Variants in GALK2 observed in about 807,000 individuals in gnomAD.
GALK2 encodes N-acetylgalactosamine kinase.
Under a neutral mutation model 52.4 loss-of-function variants are expected in GALK2, and 36 were observed. That is an observed-to-expected ratio of 0.69 (90% CI 0.53 to 0.91). The LOEUF is 0.91. Among genes scored for constraint, GALK2 ranks in the 40% least tolerant of loss-of-function variants. The pLI, the probability that GALK2 is intolerant of heterozygous loss-of-function variation, is 0.00. For synonymous variants in GALK2, 176 were observed against 199.1 expected, an observed-to-expected ratio of 0.88 and a Z score of 0.98; for missense variants, 579 against 559.1, an observed-to-expected ratio of 1.04 and a Z score of -0.36.
intron 3 of GALK2, among the ~76,000 whole-genome samples, chr15:49,361,477 T>C (rs1038824394): frequency 6.6e-6 from 1 of 152,162 alleles, no homozygotes; most frequent in African/African-American, 2.4e-5. Flanking sequence ...TAGCTCCTAC[T>C]TATTAGTGAG....
At chr15:49,207,029 T>C (rs564618893) in intron 2 of GALK2, among the ~76,000 whole-genome samples, 1 of 152,308 alleles carries the variant, frequency 6.6e-6, no homozygotes, top group Non-Finnish European at 1.5e-5. Context: ...TCAATTTTGC[T>C]GAGAGTCTTA....
At chr15:49,304,099 A>G (rs1194632123) in intron 8 of GALK2, among the ~76,000 whole-genome samples, 1 of 152,180 alleles carries the variant, frequency 6.6e-6, no homozygotes, top group East Asian at 1.9e-4. Context: ...GGAAACATCT[A>G]TAGGAAAGCA....
intron 2 of GALK2, among the ~76,000 whole-genome samples, chr15:49,213,545 C>T (rs1331130273): frequency 3.3e-5 from 5 of 152,018 alleles, no homozygotes; most frequent in Non-Finnish European, 7.4e-5. Flanking sequence ...GGTGTGTGTT[C>T]CGGAATATCT....
At chr15:49,271,221 A>G (rs1461870977) in intron 5 of GALK2, among the ~76,000 whole-genome samples, 1 of 152,190 alleles carries the variant, frequency 6.6e-6, no homozygotes, top group Non-Finnish European at 1.5e-5. Context: ...GACTTGGGTC[A>G]TATTATTGTC....
chr15:49,166,860 C>T (rs561563203), upstream of GALK2, among the ~76,000 whole-genome samples: 1 of 152,292 alleles, frequency 6.6e-6, no homozygotes, highest in South Asian at 2.1e-4. Context: ...TATTGTAAGT[C>T]AAAATAGGAA....
chr15:49,256,763 A>T (rs1424246713), intron 5 of GALK2, among the ~76,000 whole-genome samples: 1 of 152,108 alleles, frequency 6.6e-6, no homozygotes, highest in Non-Finnish European at 1.5e-5. Context: ...CTTAGTTTGT[A>T]TTGTAAAGAT....
chr15:49,217,436 T>A, intron 3 of GALK2, 123 bp downstream of exon 3: 1 of 985,358 alleles, frequency 1.0e-6, no homozygotes, highest in Non-Finnish European at 1.5e-6. Context: ...TGTCTGACAT[T>A]AAAAAAATTC....
rs554213612 is a variant in GALK2 at position 49,265,008 on chromosome 15, T to C, written c.505-16979T>C. On this transcript the variant is annotated intron_variant, in intron 5 of 9. Coordinates refer to ENST00000560031, the MANE Select transcript of GALK2 (RefSeq NM_002044.4). Reference sequence around the variant, plus strand: ...ACTGGGGGGTGCCTCCCAGTTAGGCTGCTTGGGGGTCAGGGGTCAGGGACC... The same window carrying C: ...ACTGGGGGGTGCCTCCCAGTTAGGCCGCTTGGGGGTCAGGGGTCAGGGACC... 2.9e-3 allele frequency among the ~76,000 whole-genome samples: 444 copies of C among 152,304 alleles called. 1 individual carries two copies. Among genetic ancestry groups the C allele is most frequent in the African/African-American group, 0.01 (429 of 41,578 alleles).
chr15:49,366,874 T>C (rs1411046111), intron 3 of GALK2, among the ~76,000 whole-genome samples: 1 of 152,208 alleles, frequency 6.6e-6, no homozygotes, highest in Non-Finnish European at 1.5e-5. Context: ...TTGGGATTCA[T>C]CTGAGTCCTT....
intron 2 of GALK2, among the ~76,000 whole-genome samples, chr15:49,211,305 G>T (rs968038983): frequency 1.3e-5 from 2 of 152,104 alleles, no homozygotes; most frequent in African/African-American, 4.8e-5. Flanking sequence ...AAAAAGTTTT[G>T]TATTTTCATC....
chr15:49,173,511 C>T (rs1233819218), intron 1 of GALK2, among the ~76,000 whole-genome samples: 1 of 152,072 alleles, frequency 6.6e-6, no homozygotes, highest in Non-Finnish European at 1.5e-5. Flanking sequence ...TCCTGATTGT[C>T]TCTGATTTCT....
chr15:49,361,168 T>C (rs1045350719), intron 3 of GALK2, among the ~76,000 whole-genome samples: 1 of 152,176 alleles, frequency 6.6e-6, no homozygotes, highest in Non-Finnish European at 1.5e-5. Flanking sequence ...TTTTACCCCA[T>C]AAATATATAC....
chr15:49,267,759 TG>T (rs566155307), intron 5 of GALK2, among the ~76,000 whole-genome samples: 9 of 152,186 alleles, frequency 5.9e-5, no homozygotes, highest in Non-Finnish European at 1.2e-4. Flanking sequence ...ATCAGAAAAA[TG>T]GAAAGAAGTA....
chr15:49,290,444 T>A (rs1298860163), intron 7 of GALK2, among the ~76,000 whole-genome samples: 1 of 152,212 alleles, frequency 6.6e-6, no homozygotes, highest in Non-Finnish European at 1.5e-5. Flanking sequence ...GAATGTGAAC[T>A]CTATGTTAGT....
At chr15:49,275,472 G>T (rs2031499679) in intron 5 of GALK2, among the ~76,000 whole-genome samples, 2 of 152,208 alleles carry the variant, frequency 1.3e-5, no homozygotes, top group Admixed American at 6.5e-5. Context: ...TTAAATGATT[G>T]TTGAATGAAT....
chr15:49,319,893 G>A, intron 9 of GALK2, 88 bp downstream of exon 9: 1 of 1,148,088 alleles, frequency 8.7e-7, no homozygotes, highest in Non-Finnish European at 1.2e-6. Flanking sequence ...ATAATCTACG[G>A]GAATGAAGAT....
chr15:49,201,305 A>C, intron 2 of GALK2, 55 bp downstream of exon 2: 1 of 895,008 alleles, frequency 1.1e-6, no homozygotes, highest in East Asian at 2.6e-5. Context: ...ATAAGATCTA[A>C]ATTTTTAAAA....
chr15:49,249,176 A>C (rs924307316), intron 5 of GALK2, among the ~76,000 whole-genome samples: 3 of 152,212 alleles, frequency 2.0e-5, no homozygotes, highest in Non-Finnish European at 4.4e-5. Flanking sequence ...TGAAAATACA[A>C]GGATAGATAA....
At chr15:49,265,688 G>A (rs1019061294) in intron 5 of GALK2, among the ~76,000 whole-genome samples, 19 of 152,228 alleles carry the variant, frequency 1.2e-4, no homozygotes, top group African/African-American at 4.3e-4. Context: ...GCTGTAGAGC[G>A]GAGCTGTTCC....
Sources: gnomAD v4.1 joint callset for allele counts (sites outside exome capture counted in the v4.1 genomes callset) on GRCh38, gnomAD v4.1.1 for gene constraint, MANE v1.5 for transcripts, NCBI Gene and HGNC (gene_info 2026-07-23, HGNC 2026-07-21) for gene names.